The following TASOR variants were observed in gnomAD, a reference collection of about 807,000 sequenced individuals.
The protein encoded by TASOR is protein TASOR.
TASOR carries 53 observed loss-of-function variants against 178.6 expected under a neutral mutation model. That is an observed-to-expected ratio of 0.30 (90% CI 0.24 to 0.37). TASOR has a LOEUF of 0.37. Ranked by LOEUF, TASOR falls within the 10% of genes least tolerant of loss-of-function variation. The pLI, the probability that TASOR is intolerant of heterozygous loss-of-function variation, is 1.00. For missense variants in TASOR, 1,815 were observed against 1,971.4 expected, an observed-to-expected ratio of 0.92 and a Z score of 1.50; for synonymous variants, 713 against 696.2, an observed-to-expected ratio of 1.02 and a Z score of -0.38.
rs947821212 is a variant in TASOR, at chr3:56,670,134, T to A, written c.582A>T (p.Ile194=). ...LMVDRYQVQT[I]CEKGLHVGQS... The stretch of plus-strand genomic sequence containing the variant: ...GACCCACATGTAATCCTTTTTCACA[T>A]ATGGTTTGAACCTAAATTTAAAAAA... Residue 194 remains isoleucine (I), a synonymous_variant, in exon 4 of 24, where the codon ATA becomes ATT. Coordinates refer to ENST00000683822, the MANE Select transcript of TASOR (RefSeq NM_001365635.2). 1.4e-5 allele frequency: 21 copies of A among 1,535,590 alleles called. No individual in the cohort carries two copies. The highest frequency in any genetic ancestry group is 1.8e-5 in the Non-Finnish European group (20 of 1,139,082).
chr3:56,633,272 A>G lies in TASOR; in HGVS notation c.3519T>C (p.Thr1173=), dbSNP rs374603052. Residue 1173 remains threonine, a synonymous_variant, in exon 18 of 24, where the codon ACT becomes ACC. Transcript: ENST00000683822. Reference sequence around the variant, plus strand: ...TATCACCAGGTACAATATGATCAGAAGTCACCATTAACTCTGTGGCATGTT... The same window carrying G: ...TATCACCAGGTACAATATGATCAGAGGTCACCATTAACTCTGTGGCATGTT... ...QPQHATELMV[T]SDHIVPGDMA... is the part of the protein sequence containing the mutation. 11 of 1,614,072 alleles carry G rather than the reference A, an allele frequency of 6.8e-6. No individual in the cohort carries two copies. In the African/African-American group the frequency reaches 1.5e-4, roughly 22 times the overall value.
intron 14 of TASOR, among the ~76,000 whole-genome samples, chr3:56,643,955 C>T (rs1299345858): frequency 6.6e-6 from 1 of 152,174 alleles, no homozygotes; most frequent in Non-Finnish European, 1.5e-5. Flanking sequence ...ATTAGTATGG[C>T]TTTCTCATCA....
rs12833 is a variant in TASOR at position 56,620,474 on chromosome 3, G to A, written c.*2563C>T. ...GCTTTAAAAAGAATGGCTGTAGTTA[G>A]TTTTGATTCACTATATACTCTCTGT... On this transcript the variant is annotated 3_prime_UTR_variant, in exon 24 of 24. Coordinates refer to ENST00000683822, the MANE Select transcript of TASOR (RefSeq NM_001365635.2). The A allele has an allele frequency of 8.7e-3, 1,330 of 152,498 alleles. 13 individuals are homozygous for A. The highest frequency in any genetic ancestry group is 0.013 in the Non-Finnish European group (909 of 68,168). 9.4% of individuals were successfully genotyped at this position (152,498 alleles called of 1,614,324 possible). A position where few individuals can be genotyped will look rare whatever the true frequency, so the allele number is the denominator to read the frequency against.
At position 56,641,483 on chromosome 3, in the gene TASOR, T is replaced by C. The variant is rs750606667; in HGVS notation, c.2485A>G (p.Thr829Ala). Residue 829 changes from threonine to alanine, a missense_variant, in exon 15 of 24, where the codon ACT (threonine) becomes GCT (alanine). Coordinates refer to ENST00000683822, the MANE Select transcript of TASOR (RefSeq NM_001365635.2). The stretch of plus-strand genomic sequence containing the variant: ...TGTGCATTTTCAACTTTTGCACAAG[T>C]AGGCTGCTCATAGTCTTTCTTATCT... The part of the protein sequence containing the change: ...TPDKKDYEQP[T>A]CAKVENAQFK... 6 of 1,613,794 alleles carry C rather than the reference T, an allele frequency of 3.7e-6. No homozygotes were observed. The highest frequency in any genetic ancestry group is 3.4e-6 in the Non-Finnish European group (4 of 1,179,662).
In TASOR at chr3:56,633,495, A is replaced by C. The variant is rs1229323268; in HGVS notation, c.3296T>G (p.Leu1099Trp). 1.2e-6 allele frequency: 2 copies of C among 1,614,174 alleles called. No individual in the cohort carries two copies. The highest frequency in any genetic ancestry group is 1.6e-4 in the Middle Eastern group (1 of 6,062). ...AGAATCGTTAGGACTGACTGGTGGC[A>C]AATTCCCACCCTTGGCTGATGCTTT... ...IIKASAKGGN[L>W]PPVSPNDSGA... is the part of the protein sequence containing the mutation. Residue 1099 changes from leucine (L) to tryptophan (W), a missense_variant, in exon 18 of 24, where the codon TTG becomes TGG. Physicochemically the swap from Leu to Trp is moderately conservative, Grantham distance 61 (BLOSUM62 -2). Transcript: ENST00000683822.
intron 23 of TASOR, 176 bp from the exon 24 acceptor site, chr3:56,623,742 G>C: frequency 6.4e-7 from 1 of 1,550,646 alleles, no homozygotes; most frequent in Non-Finnish European, 8.7e-7. Context: ...AGATGTGAAT[G>C]TCCAGATAAT....
chr3:56,632,921 G>A (rs2076945379), intron 18 of TASOR, 123 bp downstream of exon 18: 2 of 797,564 alleles, frequency 2.5e-6, no homozygotes, highest in Non-Finnish European at 3.8e-6. Context: ...ACAGGTATTA[G>A]CCACCATTCC....
Position 56,621,705 on chromosome 3 carries a change from C to T in TASOR, c.*1332G>A. Reference sequence around the variant, plus strand: ...TGGCTCAACTGTATTTTTCAAATAGCCTAGATTTACTTATTTTTTTAAATG... The same window carrying T: ...TGGCTCAACTGTATTTTTCAAATAGTCTAGATTTACTTATTTTTTTAAATG... On this transcript the variant is annotated 3_prime_UTR_variant, in exon 24 of 24. Transcript: ENST00000683822. 1 of 855,084 alleles carries T rather than the reference C, an allele frequency of 1.2e-6. No individual in the cohort carries two copies. The highest frequency in any genetic ancestry group is 1.8e-6 in the Non-Finnish European group (1 of 552,088). 53.0% of individuals were successfully genotyped at this position (855,084 alleles called of 1,614,324 possible).
chr3:56,641,457 CTG>C lies in TASOR; in HGVS notation c.2509_2510del (p.Gln837ValfsTer2). Reference sequence around the variant, plus strand: ...GTAATAAGCTCTGAGTACCCTTAAACTGTGCATTTTCAACTTTTGCACAAGTA... The same window carrying C: ...GTAATAAGCTCTGAGTACCCTTAAACTGCATTTTCAACTTTTGCACAAGTA... The part of the protein sequence containing the change: ...QPTCAKVENA[Q>X]FKGTQSLLLE... On this transcript the variant is annotated frameshift_variant, in exon 15 of 24. Coordinates refer to ENST00000683822, the MANE Select transcript of TASOR (RefSeq NM_001365635.2). LOFTEE classifies it high-confidence loss of function. 6.2e-7 allele frequency: 1 copy of C among 1,613,358 alleles called. No homozygotes were observed. The highest frequency in any genetic ancestry group is 8.5e-7 in the Non-Finnish European group (1 of 1,179,308).
intron 1 of TASOR, among the ~76,000 whole-genome samples, chr3:56,681,994 G>A (rs894009031): frequency 6.6e-6 from 1 of 152,000 alleles, no homozygotes; most frequent in Admixed American, 6.6e-5. Flanking sequence ...ACTGCTCCAA[G>A]AACCTACCTT....
chr3:56,669,539 C>T (rs555031244), intron 5 of TASOR, among the ~76,000 whole-genome samples, 161 bp downstream of exon 5: 1 of 151,854 alleles, frequency 6.6e-6, no homozygotes, highest in East Asian at 1.9e-4. Context: ...AACACACACA[C>T]AAAAAAAGAT....
intron 2 of TASOR, among the ~76,000 whole-genome samples, chr3:56,673,139 AG>A (rs1170619290): frequency 6.6e-6 from 1 of 152,248 alleles, no homozygotes; most frequent in Non-Finnish European, 1.5e-5. Flanking sequence ...TTAGCTAGTA[AG>A]CTATCTCTAC....
intron 1 of TASOR, among the ~76,000 whole-genome samples, chr3:56,678,077 T>G (rs530957448): frequency 6.6e-6 from 1 of 152,146 alleles, no homozygotes; most frequent in African/African-American, 2.4e-5. Context: ...AGGAAACTGA[T>G]AGTATCATAG....
chr3:56,626,271 G>A (rs1014965573), intron 21 of TASOR, among the ~76,000 whole-genome samples: 5 of 152,176 alleles, frequency 3.3e-5, no homozygotes, highest in African/African-American at 1.2e-4. Flanking sequence ...ACTTGGAGAA[G>A]TGACTTCCAT....
At chr3:56,645,171 G>A (rs2077210190) in intron 14 of TASOR, among the ~76,000 whole-genome samples, 1 of 152,204 alleles carries the variant, frequency 6.6e-6, no homozygotes, top group Non-Finnish European at 1.5e-5. Flanking sequence ...CTACTGGGGA[G>A]ACTCAGGCAC....
At chr3:56,641,175 A>C (rs572627684) in intron 15 of TASOR, among the ~76,000 whole-genome samples, 174 bp downstream of exon 15, 2 of 144,212 alleles carry the variant, frequency 1.4e-5, no homozygotes, top group African/African-American at 5.4e-5. Flanking sequence ...TTCAGCATTT[A>C]TCTCTTTGTA....
At position 56,669,724 on chromosome 3, in the gene TASOR, A is replaced by C; in HGVS notation, c.711T>G (p.Asp237Glu). ...ANPLDTGAMG[D>E]VVIFKIMKGK... is the part of the protein sequence containing the mutation. ...CCTTCATTATTTTAAAAATAACAAC[A>C]TCACCCATTGCCCCCGTGTCCAAAG... The change falls in exon 5 of 24, where the codon GAT (aspartate) becomes GAG (glutamate). Residue 237 changes from aspartate (D) to glutamate (E), a missense_variant. This residue lies in a region of TASOR where 504 missense variants were observed against 645.3 expected (regional missense o/e 0.78). Coordinates refer to ENST00000683822, the MANE Select transcript of TASOR (RefSeq NM_001365635.2). The C allele has an allele frequency of 6.5e-7, 1 of 1,548,324 alleles. No individual in the cohort carries two copies. The highest frequency in any genetic ancestry group is 8.7e-7 in the Non-Finnish European group (1 of 1,144,882).
chr3:56,633,323 T>G lies in TASOR; in HGVS notation c.3468A>C (p.Leu1156Phe). The change falls in exon 18 of 24, where the codon TTA becomes TTC. Residue 1156 changes from leucine to phenylalanine, a missense_variant. Leu to Phe is a conservative substitution (Grantham distance 22). Transcript: ENST00000683822. ...NSDEQHSTSA[L>F]TEVEMNQPQH... ...GAGGCTGGTTCATTTCTACTTCAGT[T>G]AAAGCCGAAGTGGAATGCTGCTCAT... is the stretch of plus-strand genomic sequence containing the variant. 1 of 1,614,196 alleles carries G rather than the reference T, an allele frequency of 6.2e-7. No individual in the cohort carries two copies. The highest frequency in any genetic ancestry group is 8.5e-7 in the Non-Finnish European group (1 of 1,180,030).
At chr3:56,662,522 G>A (rs1021062991) in intron 8 of TASOR, 32 bp from the exon 9 acceptor site, 1 of 1,124,510 alleles carries the variant, frequency 8.9e-7, no homozygotes, top group East Asian at 2.7e-5. Flanking sequence ...ACACAGCTTA[G>A]TCACTTGGCA....
Sources: gnomAD v4.1 joint callset for allele counts (sites outside exome capture counted in the v4.1 genomes callset) on GRCh38, gnomAD v4.1.1 for gene constraint, gnomAD v4.1.1 regional missense constraint, MANE v1.5 for transcripts, NCBI Gene and HGNC (gene_info 2026-07-23, HGNC 2026-07-21) for gene names.